Variants in TAFA2 observed in about 807,000 individuals in gnomAD.
TAFA2 encodes the protein TAFA chemokine like family member 2, also known as chemokine-like protein TAFA-2.
A neutral mutation model predicts 18.8 loss-of-function variants in TAFA2; 7 were observed. The observed-to-expected ratio is 0.37, with a 90% CI of 0.21 to 0.70. The LOEUF (loss-of-function observed/expected upper bound fraction) is 0.70. Ranked by LOEUF, TAFA2 falls within the 30% of genes least tolerant of loss-of-function variation. The pLI is 0.53. For missense variants in TAFA2, 122 were observed against 158.1 expected (o/e 0.77, Z 1.23); for synonymous variants, 60 against 54.2 (o/e 1.11, Z -0.47).
At chr12:61,928,583 C>T (rs1168476494) in intron 1 of TAFA2, among the ~76,000 whole-genome samples, 1 of 152,138 alleles carries the variant, frequency 6.6e-6, no homozygotes, top group Admixed American at 6.5e-5. Context: ...TAAATTAGTT[C>T]AACCATTGTG....
At chr12:62,204,707 G>A (rs1012619803) in intron 1 of TAFA2, among the ~76,000 whole-genome samples, 1 of 152,020 alleles carries the variant, frequency 6.6e-6, no homozygotes, top group Non-Finnish European at 1.5e-5. Context: ...TCTAACCAGA[G>A]AATAACCAGT....
intron 1 of TAFA2, among the ~76,000 whole-genome samples, chr12:62,248,161 G>C (rs2062895793): frequency 6.6e-6 from 1 of 152,210 alleles, no homozygotes; most frequent in East Asian, 1.9e-4. Context: ...CCACACATGA[G>C]CTGAAGAGGC....
At chr12:62,240,869 T>C (rs1407199392) in intron 1 of TAFA2, among the ~76,000 whole-genome samples, 1 of 152,078 alleles carries the variant, frequency 6.6e-6, no homozygotes, top group African/African-American at 2.4e-5. Flanking sequence ...GCATGAACCA[T>C]ATTGTGAACG....
intron 2 of TAFA2, among the ~76,000 whole-genome samples, chr12:61,836,792 A>G (rs976111387): frequency 1.0e-4 from 13 of 124,600 alleles, no homozygotes; most frequent in Admixed American, 1.8e-4. Flanking sequence ...TATCATTGTT[A>G]TAATATACTT....
intron 2 of TAFA2, among the ~76,000 whole-genome samples, chr12:61,769,262 C>A (rs1030438762): frequency 2.0e-5 from 3 of 151,260 alleles, no homozygotes; most frequent in Non-Finnish European, 4.4e-5. Flanking sequence ...CTACCCACCC[C>A]GGTAGTCAAA....
intron 1 of TAFA2, among the ~76,000 whole-genome samples, chr12:61,955,899 T>C (rs975062927): frequency 2.6e-5 from 4 of 151,704 alleles, no homozygotes; most frequent in Non-Finnish European, 5.9e-5. Context: ...GCTCTCATAA[T>C]GTCTCAAGTG....
chr12:61,795,010 C>T (rs1040336437), intron 2 of TAFA2, among the ~76,000 whole-genome samples: 2 of 152,094 alleles, frequency 1.3e-5, no homozygotes, highest in African/African-American at 2.4e-5. Context: ...CAGAGAAATG[C>T]AAATCAAAAC....
chr12:61,936,904 A>G (rs1362839429), intron 1 of TAFA2, among the ~76,000 whole-genome samples: 1 of 152,166 alleles, frequency 6.6e-6, no homozygotes, highest in Non-Finnish European at 1.5e-5. Flanking sequence ...ATATAACCAT[A>G]TACCTAGGAC....
intron 1 of TAFA2, among the ~76,000 whole-genome samples, chr12:62,077,417 A>G (rs1868257491): frequency 6.6e-6 from 1 of 152,228 alleles, no homozygotes; most frequent in African/African-American, 2.4e-5. Flanking sequence ...GCAAGTAATG[A>G]TTGTTCAATT....
Position 61,728,480 on chromosome 12 carries a change from C to T in TAFA2, c.385-18063G>A, listed in dbSNP as rs545533022. On this transcript the variant is annotated intron_variant, in intron 4 of 4. Coordinates refer to ENST00000416284, the MANE Select transcript of TAFA2 (RefSeq NM_178539.5). ...TAGTCTTTTTATCACTATATAATGT[C>T]CTTCTTCCTCCTTTTTTTAATTGTT... Among the ~76,000 whole-genome samples the T allele has an allele frequency of 7.3e-5, 11 of 150,968 alleles. No homozygotes were observed. In the East Asian group the frequency reaches 1.4e-3, roughly 19 times the overall value.
intron 1 of TAFA2, among the ~76,000 whole-genome samples, chr12:62,030,752 G>A (rs1881435255): frequency 6.6e-6 from 1 of 152,064 alleles, no homozygotes; most frequent in South Asian, 2.1e-4. Flanking sequence ...GAACATGATG[G>A]GGTGGGACCT....
intron 2 of TAFA2, among the ~76,000 whole-genome samples, chr12:61,860,118 C>G (rs1037399054): frequency 1.3e-5 from 2 of 152,104 alleles, no homozygotes; most frequent in African/African-American, 4.8e-5. Flanking sequence ...ACAGCATGCT[C>G]TCAAATATGT....
At chr12:61,873,704 T>G (rs1199073474) in intron 1 of TAFA2, among the ~76,000 whole-genome samples, 2 of 152,146 alleles carry the variant, frequency 1.3e-5, no homozygotes, top group South Asian at 4.1e-4. Flanking sequence ...ACCTACTAAA[T>G]AGGGCATCGA....
At chr12:61,825,470 G>C (rs533293759) in intron 2 of TAFA2, among the ~76,000 whole-genome samples, 1 of 152,090 alleles carries the variant, frequency 6.6e-6, no homozygotes, top group African/African-American at 2.4e-5. Flanking sequence ...AGTGAAACAG[G>C]GTATTTGAGG....
intron 4 of TAFA2, among the ~76,000 whole-genome samples, chr12:61,746,328 T>C (rs1197137594): frequency 1.3e-5 from 2 of 152,118 alleles, no homozygotes; most frequent in African/African-American, 4.8e-5. Flanking sequence ...TCCCCAGCAA[T>C]GTGGAACTGT....
At chr12:61,897,821 C>T (rs183972734) in intron 1 of TAFA2, among the ~76,000 whole-genome samples, 2 of 152,300 alleles carry the variant, frequency 1.3e-5, no homozygotes, top group Admixed American at 1.3e-4. Context: ...GCCTTCCCAA[C>T]AGTTTCCCAG....
At chr12:61,835,478 A>T (rs1181344203) in intron 2 of TAFA2, among the ~76,000 whole-genome samples, 1 of 152,066 alleles carries the variant, frequency 6.6e-6, no homozygotes, top group South Asian at 2.1e-4. Context: ...TCACTCAGAT[A>T]GTGAACATAG....
intron 2 of TAFA2, among the ~76,000 whole-genome samples, chr12:61,760,037 A>T (rs921487350): frequency 4.0e-5 from 6 of 149,226 alleles, no homozygotes; most frequent in African/African-American, 1.5e-4. Context: ...GAAGGGACAA[A>T]TGGTAGCCTG....
rs17125505 is a variant in TAFA2 at position 61,912,026 on chromosome 12, T to C, written c.-1-44600A>G. Among the ~76,000 whole-genome samples the C allele has an allele frequency of 8.4e-3, 1,285 of 152,334 alleles. 11 individuals carry two copies. Among genetic ancestry groups the C allele is most frequent in the African/African-American group, 0.028 (1,160 of 41,582 alleles). On this transcript the variant is annotated intron_variant, in intron 1 of 4. Coordinates refer to ENST00000416284, the MANE Select transcript of TAFA2 (RefSeq NM_178539.5). ...TCCCAGTGGAACCTAATGATACTGATAGTTGCAATTTATCAAGTGCCTGTG... is the reference window on the plus strand; with the variant it reads ...TCCCAGTGGAACCTAATGATACTGACAGTTGCAATTTATCAAGTGCCTGTG...
Sources: gnomAD v4.1 joint callset for allele counts (sites outside exome capture counted in the v4.1 genomes callset) on GRCh38, gnomAD v4.1.1 for gene constraint, MANE v1.5 for transcripts, NCBI Gene and HGNC (gene_info 2026-07-23, HGNC 2026-07-21) for gene names.